Variants in SRFBP1 observed in about 807,000 individuals in gnomAD.
SRFBP1 encodes the protein serum response factor-binding protein 1.
Under a neutral mutation model 45.5 loss-of-function variants are expected in SRFBP1, and 47 were observed. That is an observed-to-expected ratio of 1.03 (90% CI 0.82 to 1.32). The LOEUF (loss-of-function observed/expected upper bound fraction) is 1.32, where lower values mean the gene tolerates loss of function less well. Ranked by LOEUF, SRFBP1 falls within the 40% of genes most tolerant of loss-of-function variation. The probability of loss-of-function intolerance (pLI) is 0.00; values close to 1 mark genes in which losing one functional copy is unlikely to be tolerated. For synonymous variants in SRFBP1, 203 were observed against 166.3 expected (o/e 1.22, Z -1.70); for missense variants, 621 against 484.6 (o/e 1.28, Z -2.64).
chr5:122,014,447 A>G (rs1175751078), intron 4 of SRFBP1, among the ~76,000 whole-genome samples: 1 of 152,132 alleles, frequency 6.6e-6, no homozygotes, highest in African/African-American at 2.4e-5. Flanking sequence ...GGATTATGCA[A>G]CACGGTGGCC....
chr5:122,070,110 C>A, intron 2 of SRFBP1: 1 of 1,613,296 alleles, frequency 6.2e-7, no homozygotes, highest in Non-Finnish European at 8.5e-7. Context: ...AATGTCACAG[C>A]GCACAACATT....
intron 4 of SRFBP1, among the ~76,000 whole-genome samples, chr5:121,995,427 C>T (rs1039475923): frequency 2.6e-5 from 4 of 151,968 alleles, no homozygotes; most frequent in African/African-American, 7.3e-5. Flanking sequence ...GGGTACACAA[C>T]GAAATGAAGG....
downstream of SRFBP1, among the ~76,000 whole-genome samples, chr5:122,031,118 T>C (rs1480801704): frequency 6.6e-6 from 1 of 152,188 alleles, no homozygotes; most frequent in Non-Finnish European, 1.5e-5. Flanking sequence ...AAGAGAAGTA[T>C]TGATTCCAGG....
chr5:122,029,439 TA>T (rs1255264113), downstream of SRFBP1, among the ~76,000 whole-genome samples: 1 of 152,160 alleles, frequency 6.6e-6, no homozygotes, highest in Non-Finnish European at 1.5e-5. Flanking sequence ...TGGTCTTAGT[TA>T]TATTCTTTAT....
intron 1 of SRFBP1, among the ~76,000 whole-genome samples, chr5:121,965,658 G>C (rs1349866249): frequency 1.3e-5 from 2 of 152,132 alleles, no homozygotes; most frequent in East Asian, 3.9e-4. Context: ...ACTTAGGATT[G>C]TCTTGGCTAT....
At chr5:122,035,475 C>T (rs945017777) in intron 2 of SRFBP1, among the ~76,000 whole-genome samples, 8 of 152,198 alleles carry the variant, frequency 5.3e-5, no homozygotes, top group African/African-American at 1.9e-4. Flanking sequence ...TGTGCTCTGT[C>T]ACAAGTGAGC....
intron 1 of SRFBP1, 112 bp from the exon 2 acceptor site, chr5:121,974,084 A>G (rs1351800381): frequency 2.3e-5 from 15 of 663,846 alleles, no homozygotes; most frequent in Middle Eastern, 6.8e-4. Flanking sequence ...ATAGTTAGAC[A>G]ATAAAAGTAG....
intron 2 of SRFBP1, among the ~76,000 whole-genome samples, chr5:122,035,439 C>G (rs1460457219): frequency 6.6e-6 from 1 of 152,274 alleles, no homozygotes; most frequent in Non-Finnish European, 1.5e-5. Flanking sequence ...ATACTTCTTA[C>G]CTTTATGGCA....
chr5:122,064,410 A>T (rs968058490), intron 2 of SRFBP1: 1 of 151,868 alleles, frequency 6.6e-6, no homozygotes, highest in East Asian at 1.9e-4. Flanking sequence ...GAATGTTCAT[A>T]TAAGGAATAA....
chr5:122,030,471 T>A (rs2112720187), downstream of SRFBP1, among the ~76,000 whole-genome samples: 1 of 152,276 alleles, frequency 6.6e-6, no homozygotes, highest in East Asian at 1.9e-4. Context: ...GTACTGTCAT[T>A]ATTTGACCTG....
At position 122,059,274 on chromosome 5, in the gene SRFBP1, C is replaced by G. The variant is rs1039362552; in HGVS notation, n.312-16041C>G. Among the ~76,000 whole-genome samples the G allele has an allele frequency of 3.9e-5, 6 of 152,190 alleles. No individual in the cohort carries two copies. The East Asian group carries it at 1.2e-3, about 29-fold the overall frequency. Reference sequence around the variant, plus strand: ...AAAGGCATCTCTGGTCAGTCTAGACCTTGGAGAAAGTTATTTTCTTGAGGT... The same window carrying G: ...AAAGGCATCTCTGGTCAGTCTAGACGTTGGAGAAAGTTATTTTCTTGAGGT... On this transcript the variant is annotated intron_variant and non_coding_transcript_variant, in intron 2 of 2. Transcript: ENST00000504881.
intron 7 of SRFBP1, among the ~76,000 whole-genome samples, chr5:122,022,801 A>C (rs961669490): frequency 2.0e-5 from 3 of 152,236 alleles, no homozygotes; most frequent in Non-Finnish European, 2.9e-5. Context: ...TTTTCAGATT[A>C]ATTCGTAACA....
intron 1 of SRFBP1, among the ~76,000 whole-genome samples, chr5:121,967,911 A>G (rs1312201438): frequency 6.6e-6 from 1 of 152,132 alleles, no homozygotes; most frequent in African/African-American, 2.4e-5. Flanking sequence ...AATGTAACAG[A>G]TCTTCTTATA....
At chr5:121,994,545 ATAG>A (rs1490370818) in intron 3 of SRFBP1, 51 bp from the exon 4 acceptor site, 1 of 1,180,332 alleles carries the variant, frequency 8.5e-7, no homozygotes, top group Non-Finnish European at 1.2e-6. Context: ...GAACTTAATA[ATAG>A]TGATAAAAAT....
chr5:122,057,211 G>A (rs1754093837), intron 2 of SRFBP1, among the ~76,000 whole-genome samples: 1 of 152,042 alleles, frequency 6.6e-6, no homozygotes, highest in African/African-American at 2.4e-5. Flanking sequence ...GACCATAATG[G>A]GAGAAAAATA....
chr5:121,971,811 A>G (rs987010605), intron 1 of SRFBP1, among the ~76,000 whole-genome samples: 1 of 152,048 alleles, frequency 6.6e-6, no homozygotes, highest in Non-Finnish European at 1.5e-5. Flanking sequence ...TGGAAAACTA[A>G]GGGAAGAATG....
intron 2 of SRFBP1, chr5:122,074,021 G>A (rs751585600): frequency 6.2e-7 from 1 of 1,613,856 alleles, no homozygotes; most frequent in African/African-American, 1.3e-5. Flanking sequence ...ACCTGTGTGT[G>A]TGCAGTACAT....
At chr5:121,962,643 CT>C (rs1260516531) in intron 1 of SRFBP1, among the ~76,000 whole-genome samples, 1 of 152,144 alleles carries the variant, frequency 6.6e-6, no homozygotes, top group Non-Finnish European at 1.5e-5. Context: ...CTTTTTTCTG[CT>C]TTTTCAGTCC....
At chr5:121,987,446 A>G (rs1027808048) in intron 3 of SRFBP1, among the ~76,000 whole-genome samples, 21 of 152,224 alleles carry the variant, frequency 1.4e-4, no homozygotes, top group African/African-American at 4.6e-4. Context: ...TTTAAAAAGC[A>G]GAACAGTATT....
Sources: gnomAD v4.1 joint callset for allele counts (sites outside exome capture counted in the v4.1 genomes callset) on GRCh38, gnomAD v4.1.1 for gene constraint, MANE v1.5 for transcripts, NCBI Gene and HGNC (gene_info 2026-07-23, HGNC 2026-07-21) for gene names.